Variants in ERC1 observed in about 807,000 individuals in gnomAD.
The protein encoded by ERC1 is RAB6 interacting protein 2.
In ERC1, 56 loss-of-function variants were observed where a neutral mutation model predicts 132.0. The ratio of observed to expected loss-of-function variants is 0.42; its 90% CI spans 0.34 to 0.53. ERC1 has a LOEUF of 0.53. Among genes scored for constraint, ERC1 ranks in the 20% least tolerant of loss-of-function variants. ERC1 has a pLI of 0.03. For synonymous variants in ERC1, 478 were observed against 476.1 expected, an observed-to-expected ratio of 1.00 and a Z score of -0.05; for missense variants, 1,202 against 1,349.9, an observed-to-expected ratio of 0.89 and a Z score of 1.72.
chr12:1,081,366 A>G (rs1161035444), intron 2 of ERC1, among the ~76,000 whole-genome samples: 1 of 152,262 alleles, frequency 6.6e-6, no homozygotes, highest in Non-Finnish European at 1.5e-5. Flanking sequence ...CGTCCCCTGT[A>G]TAAAAAGCTT....
chr12:1,060,422 C>T (rs978343751), intron 2 of ERC1, among the ~76,000 whole-genome samples: 4 of 151,012 alleles, frequency 2.6e-5, no homozygotes, highest in Admixed American at 6.6e-5. Flanking sequence ...TGAGAACATG[C>T]GGTGTTTGGT....
intron 18 of ERC1, among the ~76,000 whole-genome samples, chr12:1,448,513 C>T (rs888730497): frequency 1.3e-5 from 2 of 152,200 alleles, no homozygotes; most frequent in Non-Finnish European, 2.9e-5. Context: ...TCAGCTTTAA[C>T]GGCCAAGAAA....
intron 15 of ERC1, among the ~76,000 whole-genome samples, chr12:1,306,501 A>G (rs773865968): frequency 6.6e-6 from 1 of 152,150 alleles, no homozygotes; most frequent in Non-Finnish European, 1.5e-5. Context: ...TTTTATTTCT[A>G]GGTCTGATTT....
intron 15 of ERC1, among the ~76,000 whole-genome samples, chr12:1,363,379 A>T (rs1162552504): frequency 6.6e-6 from 1 of 152,228 alleles, no homozygotes; most frequent in African/African-American, 2.4e-5. Context: ...CAAGTTTTCC[A>T]CCTACAATTT....
intron 1 of ERC1, among the ~76,000 whole-genome samples, chr12:1,012,717 G>A (rs1051829250): frequency 6.6e-6 from 1 of 152,098 alleles, no homozygotes; most frequent in Non-Finnish European, 1.5e-5. Context: ...GCCTCCTGAA[G>A]TGTTGGGATT....
At chr12:1,333,866 G>A (rs760084387) in intron 15 of ERC1, among the ~76,000 whole-genome samples, 9 of 152,020 alleles carry the variant, frequency 5.9e-5, no homozygotes, top group East Asian at 1.9e-4. Context: ...TTACACTCCC[G>A]CCAACAATGT....
chr12:1,424,844 T>TC lies in ERC1; in HGVS notation c.3024+16597_3024+16598insC, dbSNP rs745570432. 8.8e-3 allele frequency among the ~76,000 whole-genome samples: 668 copies of TC among 75,594 alleles called. 1 individual carries two copies. Among genetic ancestry groups the TC allele is most frequent in the Non-Finnish European group, 0.014 (496 of 35,822 alleles). The allele number at this position is 75,594 out of a possible 152,430, so 49.6% of individuals were successfully genotyped here. A position where few individuals can be genotyped will look rare whatever the true frequency, so the allele number is the denominator to read the frequency against. On this transcript the variant is annotated intron_variant, in intron 17 of 18. Transcript: ENST00000360905. ...ATAGATAGATAGATAGATAGATAGA[T>TC]GATAGATAGATAGATAGATCGATAG...
intron 8 of ERC1, among the ~76,000 whole-genome samples, chr12:1,173,189 A>G (rs1187870320): frequency 2.0e-5 from 3 of 152,244 alleles, no homozygotes; most frequent in Admixed American, 6.5e-5. Flanking sequence ...GTTTTTCACC[A>G]TAGAACATAT....
intron 18 of ERC1, among the ~76,000 whole-genome samples, chr12:1,446,085 G>A (rs2093296380): frequency 6.6e-6 from 1 of 152,162 alleles, no homozygotes; most frequent in Non-Finnish European, 1.5e-5. Flanking sequence ...CATATGAATT[G>A]AGGGGAGGAG....
In ERC1 at chr12:1,430,381, C is replaced by CT. The variant is rs537628665; in HGVS notation, c.3025-14168dup. ...GGAGGAATGCTAAATAATTTTCAGG[C>CT]TTTTTTTTTTTTTGGCAGCAGAGTC... On this transcript the variant is annotated intron_variant, in intron 17 of 18. Coordinates refer to ENST00000360905, the MANE Select transcript of ERC1 (RefSeq NM_178040.4). 7.8e-3 allele frequency: 1,115 copies of CT among 143,226 alleles called. 12 individuals carry two copies. The highest frequency in any genetic ancestry group is 0.023 in the African/African-American group (898 of 39,240). The allele number at this position is 143,226 out of a possible 1,614,324, so 8.9% of individuals were successfully genotyped here.
chr12:1,249,355 G>A (rs1244555528), intron 13 of ERC1, among the ~76,000 whole-genome samples: 2 of 152,162 alleles, frequency 1.3e-5, no homozygotes, highest in African/African-American at 4.8e-5. Flanking sequence ...GGCTGTTGGT[G>A]AATTGGGGAT....
chr12:1,402,149 A>C (rs535310891), intron 16 of ERC1, among the ~76,000 whole-genome samples: 103 of 152,378 alleles, frequency 6.8e-4, no homozygotes, highest in African/African-American at 2.2e-3. Context: ...TATTTAGAAC[A>C]GGGAAAAACA....
chr12:1,197,726 T>G (rs1038702372), intron 12 of ERC1, among the ~76,000 whole-genome samples: 10 of 152,244 alleles, frequency 6.6e-5, no homozygotes, highest in African/African-American at 2.2e-4. Context: ...CATTGGCGTT[T>G]ATCTATAGCT....
At position 1,450,111 on chromosome 12, in the gene ERC1, A is replaced by G. The variant is rs903532898; in HGVS notation, c.3213+5361A>G. Among the ~76,000 whole-genome samples the G allele has an allele frequency of 1.1e-4, 17 of 152,228 alleles. No homozygotes were observed. The South Asian group carries it at 2.1e-3, about 19-fold the overall frequency. ...TATTCCTCCATATATTATAAAAGCC[A>G]TAGTACATTGTTACTGTTTTTGCTT... On this transcript the variant is annotated intron_variant, in intron 18 of 18. Coordinates refer to ENST00000360905, the MANE Select transcript of ERC1 (RefSeq NM_178040.4).
chr12:1,323,701 A>C (rs2082265681), intron 15 of ERC1, among the ~76,000 whole-genome samples: 2 of 152,236 alleles, frequency 1.3e-5, no homozygotes, highest in South Asian at 4.1e-4. Context: ...AATTTGTTGC[A>C]GAAAATTAAC....
At chr12:1,349,095 A>G (rs923834182) in intron 15 of ERC1, among the ~76,000 whole-genome samples, 27 of 152,204 alleles carry the variant, frequency 1.8e-4, no homozygotes, top group Admixed American at 1.1e-3. Context: ...TGTTGGCTAC[A>G]TGTCCTCAAA....
intron 15 of ERC1, among the ~76,000 whole-genome samples, chr12:1,370,709 A>T (rs543765801): frequency 1.1e-4 from 16 of 152,272 alleles, no homozygotes; most frequent in East Asian, 7.7e-4. Flanking sequence ...AGTTTTTTTT[A>T]AAAGGTTAAC....
intron 15 of ERC1, among the ~76,000 whole-genome samples, chr12:1,369,876 C>T (rs1206394582): frequency 6.6e-6 from 1 of 152,080 alleles, no homozygotes. Context: ...TGATGTAAAC[C>T]GAGTACACAT....
chr12:1,118,568 G>A (rs1040862346), intron 7 of ERC1, among the ~76,000 whole-genome samples: 13 of 152,202 alleles, frequency 8.5e-5, no homozygotes, highest in African/African-American at 2.9e-4. Context: ...AAAGATAAAA[G>A]AATGAAAGCT....
Sources: allele counts gnomAD v4.1 joint callset (sites outside exome capture counted in the v4.1 genomes callset), GRCh38; gene constraint gnomAD v4.1.1; transcripts MANE v1.5; gene names NCBI Gene and HGNC (gene_info 2026-07-23, HGNC 2026-07-21).